VPS13B: variants seen among roughly 807,000 people sequenced by gnomAD.
The protein encoded by VPS13B is intermembrane lipid transfer protein VPS13B.
VPS13B carries 285 observed loss-of-function variants against 426.4 expected under a neutral mutation model. That is an observed-to-expected ratio of 0.67 (90% CI 0.61 to 0.74). The LOEUF is 0.74. VPS13B is among the 30% of genes least tolerant of loss of function. VPS13B has a pLI of 0.00. For synonymous variants in VPS13B, 1,676 were observed against 1,676.4 expected (o/e 1.00, Z 0.01); for missense variants, 4,537 against 4,782.6 (o/e 0.95, Z 1.51).
rs558912229 is a variant in VPS13B, at chr8:99,546,616, T to A, written c.4746-9834T>A. Among the ~76,000 whole-genome samples the A allele has an allele frequency of 9.2e-5, 14 of 152,152 alleles. No individual in the cohort carries two copies. In the East Asian group the frequency reaches 1.7e-3, roughly 19 times the overall value. On this transcript the variant is annotated intron_variant, in intron 30 of 61. Transcript: ENST00000357162. ...AATATTGAAACCCCTTTGCAAACCA[T>A]TAAACTGTAATCAAATGTAAAGTGG...
At chr8:99,093,109 A>G (rs977696951) in intron 3 of VPS13B, among the ~76,000 whole-genome samples, 6 of 152,066 alleles carry the variant, frequency 3.9e-5, no homozygotes, top group Admixed American at 2.0e-4. Context: ...AAATAATATT[A>G]TAAATTTTAT....
chr8:99,422,360 G>A (rs184858097), intron 21 of VPS13B, among the ~76,000 whole-genome samples: 11 of 152,172 alleles, frequency 7.2e-5, no homozygotes, highest in African/African-American at 2.6e-4. Context: ...GGTTAGTGGC[G>A]ACTGGAAATA....
At chr8:99,438,298 G>A (rs992154663) in intron 22 of VPS13B, among the ~76,000 whole-genome samples, 1 of 152,042 alleles carries the variant, frequency 6.6e-6, no homozygotes, top group African/African-American at 2.4e-5. Flanking sequence ...AGCATGACTA[G>A]TGATGAAAAA....
At position 99,133,430 on chromosome 8, in the gene VPS13B, G is replaced by A. The variant is rs955296648; in HGVS notation, c.1207-1202G>A. On this transcript the variant is annotated intron_variant, in intron 8 of 61. Coordinates refer to ENST00000357162, the MANE Select transcript of VPS13B (RefSeq NM_152564.5). Reference sequence around the variant, plus strand: ...CAAAATTCCTCCATATCAACAGGCTGTTTTACTTCCTTATCACTTGTGTGT... The same window carrying A: ...CAAAATTCCTCCATATCAACAGGCTATTTTACTTCCTTATCACTTGTGTGT... Among the ~76,000 whole-genome samples, 58 of 152,286 alleles carry A rather than the reference G, an allele frequency of 3.8e-4. 3 individuals carry two copies. The highest frequency in any genetic ancestry group is 5.9e-5 in the Non-Finnish European group (4 of 68,032).
At chr8:99,829,296 CT>C (rs200001684) in intron 51 of VPS13B, among the ~76,000 whole-genome samples, 1,593 of 152,230 alleles carry the variant, frequency 0.01, 25 homozygotes, top group African/African-American at 0.037. Flanking sequence ...TTGTTCGTTC[CT>C]TTTCATTCTT....
At chr8:99,304,408 TG>T (rs1258884440) in intron 19 of VPS13B, among the ~76,000 whole-genome samples, 2 of 151,588 alleles carry the variant, frequency 1.3e-5, no homozygotes, top group Admixed American at 6.6e-5. Context: ...AATCATGTTT[TG>T]TTTTTTTTTT....
At chr8:99,044,446 C>T (rs1012226918) in intron 3 of VPS13B, among the ~76,000 whole-genome samples, 1 of 150,764 alleles carries the variant, frequency 6.6e-6, no homozygotes, top group Admixed American at 6.6e-5. Context: ...TTAATTGAAA[C>T]GAAATTCACA....
chr8:99,833,439 A>T lies in VPS13B; in HGVS notation c.9614+787A>T, dbSNP rs531587211. Among the ~76,000 whole-genome samples, 5 of 152,042 alleles carry T rather than the reference A, an allele frequency of 3.3e-5. No individual in the cohort carries two copies. In the South Asian group the frequency reaches 1.0e-3, roughly 32 times the overall value. Reference sequence around the variant, plus strand: ...CTTTATTTGAGATTTAGCAATGCTAACTCTTTTGATGTAATATTTTAAAAG... The same window carrying T: ...CTTTATTTGAGATTTAGCAATGCTATCTCTTTTGATGTAATATTTTAAAAG... On this transcript the variant is annotated intron_variant, in intron 52 of 61. Coordinates refer to ENST00000357162, the MANE Select transcript of VPS13B (RefSeq NM_152564.5).
At chr8:99,582,765 C>A (rs1444625625) in intron 33 of VPS13B, among the ~76,000 whole-genome samples, 1 of 152,126 alleles carries the variant, frequency 6.6e-6, no homozygotes, top group African/African-American at 2.4e-5. Context: ...ACGCCATTCT[C>A]CTGCCTCAGC....
chr8:99,848,981 C>A (rs1816119666), intron 55 of VPS13B, 87 bp downstream of exon 55: 1 of 1,228,550 alleles, frequency 8.1e-7, no homozygotes, highest in African/African-American at 1.5e-5. Flanking sequence ...GTCATCTCCA[C>A]ATAATGTATT....
At chr8:99,257,285 G>T (rs1817795687) in intron 17 of VPS13B, among the ~76,000 whole-genome samples, 1 of 152,104 alleles carries the variant, frequency 6.6e-6, no homozygotes, top group Non-Finnish European at 1.5e-5. Context: ...GAATTGAAGG[G>T]CTCTGATTGA....
intron 19 of VPS13B, among the ~76,000 whole-genome samples, chr8:99,374,933 A>G (rs954936118): frequency 6.6e-6 from 1 of 152,136 alleles, no homozygotes; most frequent in African/African-American, 2.4e-5. Context: ...TCTACCAGAC[A>G]CAGATTGCCC....
At chr8:99,473,412 A>T (rs1392893107) in intron 24 of VPS13B, among the ~76,000 whole-genome samples, 1 of 152,090 alleles carries the variant, frequency 6.6e-6, no homozygotes, top group African/African-American at 2.4e-5. Flanking sequence ...AAAGGAGAAA[A>T]ATCATATGAT....
chr8:99,044,853 T>TACACACACACAC (rs60056711), intron 3 of VPS13B, among the ~76,000 whole-genome samples: 142 of 139,878 alleles, frequency 1.0e-3, no homozygotes, highest in African/African-American at 3.4e-3. Flanking sequence ...TTCCATTTTA[T>TACACACACACAC]ACACACACAC....
At chr8:99,233,987 GTGA>G (rs1816501088) in intron 17 of VPS13B, 1 of 777,844 alleles carries the variant, frequency 1.3e-6, no homozygotes, top group Non-Finnish European at 2.4e-6. Flanking sequence ...GGTCTGCTCA[GTGA>G]TGTTCACTAT....
At chr8:99,695,249 G>A (rs1185917507) in intron 35 of VPS13B, among the ~76,000 whole-genome samples, 18 of 148,982 alleles carry the variant, frequency 1.2e-4, no homozygotes, top group South Asian at 6.3e-4. Context: ...ACATGCACAC[G>A]TATGTTTATT....
At chr8:99,070,959 T>A (rs1403844405) in intron 3 of VPS13B, among the ~76,000 whole-genome samples, 1 of 152,136 alleles carries the variant, frequency 6.6e-6, no homozygotes, top group Non-Finnish European at 1.5e-5. Context: ...TTTTAATCTT[T>A]GTTAAATTTA....
chr8:99,224,728 A>G (rs138389778), intron 17 of VPS13B, among the ~76,000 whole-genome samples: 1 of 152,198 alleles, frequency 6.6e-6, no homozygotes, highest in Non-Finnish European at 1.5e-5. Context: ...CTTCGTATAT[A>G]CATTTTTACA....
At chr8:99,268,588 C>T (rs1017765692) in intron 17 of VPS13B, among the ~76,000 whole-genome samples, 2 of 152,094 alleles carry the variant, frequency 1.3e-5, no homozygotes, top group Non-Finnish European at 2.9e-5. Flanking sequence ...TTTGTTTTGG[C>T]CAATTTCTCC....
Sources: allele counts gnomAD v4.1 joint callset (sites outside exome capture counted in the v4.1 genomes callset), GRCh38; gene constraint gnomAD v4.1.1; transcripts MANE v1.5; gene names NCBI Gene and HGNC (gene_info 2026-07-23, HGNC 2026-07-21).